Variants in PHACTR1 observed in about 807,000 individuals in gnomAD.
PHACTR1 encodes the protein RPEL repeat containing 1.
In PHACTR1, 16 loss-of-function variants were observed where a neutral mutation model predicts 69.2. The observed-to-expected ratio is 0.23, with a 90% CI of 0.16 to 0.35. PHACTR1 has a LOEUF of 0.35. Among genes scored for constraint, PHACTR1 ranks in the 10% least tolerant of loss-of-function variants. The pLI is 1.00. For missense variants in PHACTR1, 510 were observed against 734.7 expected (o/e 0.69, Z 3.54); for synonymous variants, 312 against 284.5 (o/e 1.10, Z -0.97).
At chr6:12,979,696 G>A (rs1359348805) in intron 4 of PHACTR1, among the ~76,000 whole-genome samples, 2 of 149,864 alleles carry the variant, frequency 1.3e-5, no homozygotes, top group African/African-American at 4.9e-5. Flanking sequence ...CCAATGCAGT[G>A]AGTTTTCCTT....
intron 8 of PHACTR1, among the ~76,000 whole-genome samples, chr6:13,216,933 AG>A (rs1247871612): frequency 4.6e-5 from 7 of 152,226 alleles, no homozygotes; most frequent in Non-Finnish European, 1.0e-4. Flanking sequence ...GATTAAAAAA[AG>A]GAAGTGTATT....
At chr6:12,926,557 T>A (rs1249718370) in intron 4 of PHACTR1, among the ~76,000 whole-genome samples, 2 of 152,226 alleles carry the variant, frequency 1.3e-5, no homozygotes, top group African/African-American at 4.8e-5. Context: ...TGCTCCACCC[T>A]GTCTCACAAC....
intron 13 of PHACTR1, among the ~76,000 whole-genome samples, chr6:13,284,951 A>G (rs976660526): frequency 6.6e-5 from 10 of 152,188 alleles, no homozygotes; most frequent in African/African-American, 2.4e-4. Context: ...CTTCTCTGCA[A>G]GGGAATTTGT....
chr6:13,046,954 A>C (rs1418067185), intron 4 of PHACTR1, among the ~76,000 whole-genome samples: 1 of 152,222 alleles, frequency 6.6e-6, no homozygotes, highest in Non-Finnish European at 1.5e-5. Flanking sequence ...TAGTGTCCTC[A>C]TATGCCTGAT....
intron 4 of PHACTR1, among the ~76,000 whole-genome samples, chr6:12,918,181 A>G (rs918142280): frequency 5.3e-5 from 8 of 152,164 alleles, no homozygotes; most frequent in Admixed American, 2.0e-4. Flanking sequence ...AGCCACAAAT[A>G]TATTTCCACC....
At chr6:12,726,103 C>A (rs752097470) in intron 3 of PHACTR1, among the ~76,000 whole-genome samples, 2 of 152,088 alleles carry the variant, frequency 1.3e-5, no homozygotes, top group Non-Finnish European at 2.9e-5. Context: ...GGAAGCAAGT[C>A]ATCAACTCTG....
intron 4 of PHACTR1, among the ~76,000 whole-genome samples, chr6:12,961,976 T>A (rs770285886): frequency 6.6e-6 from 1 of 152,114 alleles, no homozygotes; most frequent in Non-Finnish European, 1.5e-5. Flanking sequence ...TCACCCGGGT[T>A]TGGGTGCAGT....
chr6:12,904,674 C>A (rs1785539493), intron 4 of PHACTR1, among the ~76,000 whole-genome samples: 2 of 152,086 alleles, frequency 1.3e-5, no homozygotes, highest in South Asian at 2.1e-4. Flanking sequence ...ATAAATGACT[C>A]TTTACCTGCA....
At chr6:12,873,134 C>G (rs142588016) in intron 4 of PHACTR1, among the ~76,000 whole-genome samples, 2 of 152,052 alleles carry the variant, frequency 1.3e-5, no homozygotes, top group African/African-American at 4.8e-5. Context: ...ACCTCAGCAT[C>G]CTGAGTAGCT....
chr6:13,207,305 A>C (rs1561994934), intron 8 of PHACTR1, among the ~76,000 whole-genome samples: 1 of 152,148 alleles, frequency 6.6e-6, no homozygotes. Flanking sequence ...CAGGTGTTGG[A>C]GGGAAACAAG....
intron 4 of PHACTR1, among the ~76,000 whole-genome samples, chr6:12,754,049 G>A (rs1025734675): frequency 2.0e-5 from 3 of 147,980 alleles, no homozygotes; most frequent in Non-Finnish European, 3.0e-5. Flanking sequence ...TGCAAGTTCC[G>A]CTTCCCAGGT....
intron 4 of PHACTR1, among the ~76,000 whole-genome samples, chr6:12,800,794 C>T (rs193057696): frequency 1.1e-4 from 16 of 151,866 alleles, no homozygotes; most frequent in African/African-American, 3.9e-4. Context: ...AGGCTGAGGT[C>T]GGAGGATCAC....
At chr6:13,210,911 CTTTTTTT>C (rs56769825) in intron 8 of PHACTR1, among the ~76,000 whole-genome samples, 1,953 of 73,048 alleles carry the variant, frequency 0.027, 40 homozygotes, top group African/African-American at 0.088. Flanking sequence ...TTTATCATTT[CTTTTTTT>C]TTTTTTTTTT....
chr6:12,806,991 C>A (rs1002085890), intron 4 of PHACTR1, among the ~76,000 whole-genome samples: 6 of 152,134 alleles, frequency 3.9e-5, no homozygotes, highest in Non-Finnish European at 5.9e-5. Flanking sequence ...TTTATGATGA[C>A]ATTTTTTTCA....
chr6:12,799,756 G>A (rs974833282), intron 4 of PHACTR1, among the ~76,000 whole-genome samples: 13 of 152,148 alleles, frequency 8.5e-5, no homozygotes, highest in African/African-American at 2.4e-4. Flanking sequence ...AATGTAGTAT[G>A]ACCTTGAATA....
chr6:12,759,409 C>T (rs1421296430), intron 4 of PHACTR1, among the ~76,000 whole-genome samples: 6 of 149,264 alleles, frequency 4.0e-5, no homozygotes, highest in Non-Finnish European at 5.9e-5. Context: ...GTGGATTTCT[C>T]GGGGCTAATC....
rs116685481 is a variant in PHACTR1, at chr6:12,808,324, A to G, written c.250+58534A>G. ...ATTTTAACTTTTAAAAACTTAGTGG[A>G]GAATAAATTTTTGAAACATTTCAGG... On this transcript the variant is annotated intron_variant, in intron 4 of 14. Coordinates refer to ENST00000332995, the MANE Select transcript of PHACTR1 (RefSeq NM_030948.6). Among the ~76,000 whole-genome samples the G allele has an allele frequency of 9.0e-3, 1,377 of 152,316 alleles. 20 individuals are homozygous for G. Among genetic ancestry groups the G allele is most frequent in the African/African-American group, 0.031 (1,306 of 41,566 alleles).
chr6:12,755,579 C>G (rs1341174301), intron 4 of PHACTR1, among the ~76,000 whole-genome samples: 1 of 151,938 alleles, frequency 6.6e-6, no homozygotes, highest in African/African-American at 2.4e-5. Flanking sequence ...GAATGAATCT[C>G]TATTATATAG....
In PHACTR1 at chr6:12,782,825, A is replaced by G. The variant is rs890059036; in HGVS notation, c.250+33035A>G. The stretch of plus-strand genomic sequence containing the variant: ...GAGGGGCCATGTAGCTATCAAAAAG[A>G]ATTATTCAAGTAGACACAGTAATTA... On this transcript the variant is annotated intron_variant, in intron 4 of 14. Transcript: ENST00000332995. Among the ~76,000 whole-genome samples the G allele has an allele frequency of 3.1e-4, 47 of 152,280 alleles. 1 individual carries two copies. The highest frequency in any genetic ancestry group is 2.7e-3 in the Admixed American group (42 of 15,300).
Sources: gnomAD v4.1 joint callset for allele counts (sites outside exome capture counted in the v4.1 genomes callset) on GRCh38, gnomAD v4.1.1 for gene constraint, MANE v1.5 for transcripts, NCBI Gene and HGNC (gene_info 2026-07-23, HGNC 2026-07-21) for gene names.